Variants in SORCS3 observed in about 807,000 individuals in gnomAD.
The protein encoded by SORCS3 is VPS10 domain-containing receptor SorCS3.
Under a neutral mutation model 146.3 loss-of-function variants are expected in SORCS3, and 57 were observed. The observed-to-expected ratio is 0.39, with a 90% confidence interval of 0.31 to 0.49. The LOEUF is 0.49. Ranked by LOEUF, SORCS3 falls within the 20% of genes least tolerant of loss-of-function variation. SORCS3 has a pLI of 0.92. For synonymous variants in SORCS3, 653 were observed against 618.5 expected (o/e 1.06, Z -0.83); for missense variants, 1,341 against 1,575.5 (o/e 0.85, Z 2.52).
chr10:105,166,151 T>C (rs2056310843), intron 12 of SORCS3, among the ~76,000 whole-genome samples: 1 of 152,164 alleles, frequency 6.6e-6, no homozygotes, highest in Non-Finnish European at 1.5e-5. Context: ...AAGATAAATA[T>C]GTAAAAAAAG....
At chr10:104,893,722 C>G (rs1273436356) in intron 2 of SORCS3, among the ~76,000 whole-genome samples, 1 of 152,156 alleles carries the variant, frequency 6.6e-6, no homozygotes, top group Non-Finnish European at 1.5e-5. Context: ...CTCTGCATGT[C>G]GCAAAGAATC....
intron 1 of SORCS3, among the ~76,000 whole-genome samples, chr10:104,728,019 AGT>A (rs2016660554): frequency 7.5e-6 from 1 of 132,694 alleles, no homozygotes; most frequent in South Asian, 2.6e-4. Context: ...TATATATAAC[AGT>A]TCTATCTATC....
intron 1 of SORCS3, among the ~76,000 whole-genome samples, chr10:104,795,805 G>T (rs1212308853): frequency 6.6e-6 from 1 of 152,230 alleles, no homozygotes; most frequent in African/African-American, 2.4e-5. Flanking sequence ...CTATCAGGGA[G>T]CTATCCTGGT....
At chr10:105,191,726 C>A (rs986551947) in intron 14 of SORCS3, among the ~76,000 whole-genome samples, 9 of 152,064 alleles carry the variant, frequency 5.9e-5, no homozygotes, top group African/African-American at 1.9e-4. Flanking sequence ...TAGTTAGATT[C>A]TCATAAGGAA....
chr10:104,859,622 T>C (rs1394632181), intron 2 of SORCS3, among the ~76,000 whole-genome samples: 2 of 152,184 alleles, frequency 1.3e-5, no homozygotes, highest in South Asian at 2.1e-4. Flanking sequence ...ACCATCATAG[T>C]GAACAGGCAA....
intron 2 of SORCS3, among the ~76,000 whole-genome samples, chr10:104,873,776 G>T (rs116690378): frequency 6.6e-6 from 1 of 152,124 alleles, no homozygotes; most frequent in Admixed American, 6.6e-5. Context: ...ATTTAACTTT[G>T]TACAAGCTAA....
rs545496927 is a variant in SORCS3 at position 105,244,278 on chromosome 10, T to A, written c.2869-1264T>A. ...TTCTTCTTTCCAGGAAAAAAAAATA[T>A]ATATATATATATAATTAGAGCTGAC... On this transcript the variant is annotated intron_variant, in intron 20 of 26. Transcript: ENST00000369701. 4.4e-3 allele frequency among the ~76,000 whole-genome samples: 660 copies of A among 151,286 alleles called. 5 individuals are homozygous for A. Among genetic ancestry groups the A allele is most frequent in the Non-Finnish European group, 6.0e-3 (409 of 67,852 alleles).
At chr10:104,976,062 G>A (rs891618021) in intron 3 of SORCS3, among the ~76,000 whole-genome samples, 4 of 152,170 alleles carry the variant, frequency 2.6e-5, no homozygotes, top group Non-Finnish European at 5.9e-5. Context: ...TGACAAATGG[G>A]ATCTAATTAA....
chr10:104,984,812 AT>A (rs1218415097), intron 4 of SORCS3, among the ~76,000 whole-genome samples: 1 of 152,210 alleles, frequency 6.6e-6, no homozygotes, highest in Non-Finnish European at 1.5e-5. Flanking sequence ...TATAAAAGTT[AT>A]TTTTATGCTA....
intron 14 of SORCS3, among the ~76,000 whole-genome samples, chr10:105,191,524 C>G (rs1242428983): frequency 6.7e-6 from 1 of 149,840 alleles, no homozygotes; most frequent in Admixed American, 6.6e-5. Context: ...AACCAATAGA[C>G]CAAGTAGTCC....
intron 7 of SORCS3, among the ~76,000 whole-genome samples, chr10:105,107,413 C>T (rs1000860402): frequency 6.6e-6 from 1 of 151,004 alleles, no homozygotes; most frequent in Admixed American, 6.6e-5. Context: ...AATTGTTTCT[C>T]GGAAACATGA....
chr10:104,712,571 G>A (rs544845224), intron 1 of SORCS3, among the ~76,000 whole-genome samples: 176 of 152,290 alleles, frequency 1.2e-3, no homozygotes, highest in African/African-American at 3.1e-3. Flanking sequence ...TCTTGTCATA[G>A]GTGAGCTAGT....
intron 1 of SORCS3, among the ~76,000 whole-genome samples, chr10:104,775,684 G>T (rs1171667026): frequency 6.6e-6 from 1 of 152,178 alleles, no homozygotes; most frequent in African/African-American, 2.4e-5. Context: ...CATTTAGACA[G>T]TCCCTCTTGG....
At chr10:104,810,006 C>T (rs2017723362) in intron 1 of SORCS3, among the ~76,000 whole-genome samples, 1 of 152,200 alleles carries the variant, frequency 6.6e-6, no homozygotes, top group African/African-American at 2.4e-5. Flanking sequence ...AAATGTGTCA[C>T]CCACCAGTGG....
chr10:104,942,077 T>C (rs1467869817), intron 3 of SORCS3, among the ~76,000 whole-genome samples: 6 of 152,220 alleles, frequency 3.9e-5, no homozygotes, highest in Non-Finnish European at 8.8e-5. Flanking sequence ...AAAAATATCT[T>C]GTATTCACTG....
In SORCS3 at chr10:104,936,709, T is replaced by C. The variant is rs1157211044; in HGVS notation, c.795+20777T>C. On this transcript the variant is annotated intron_variant, in intron 3 of 26. Transcript: ENST00000369701. ...CAAAGACGAATTTAACAATAAAAGCTGTTTGGGATTCTTGTTGTTGAACAT... is the reference window on the plus strand; with the variant it reads ...CAAAGACGAATTTAACAATAAAAGCCGTTTGGGATTCTTGTTGTTGAACAT... Among the ~76,000 whole-genome samples the C allele has an allele frequency of 2.0e-5, 3 of 152,260 alleles. No individual in the cohort carries two copies. In the East Asian group the frequency reaches 5.8e-4, roughly 29 times the overall value.
At position 104,977,325 on chromosome 10, in the gene SORCS3, C is replaced by T; in HGVS notation, c.796-10C>T. 4 of 1,603,408 alleles carry T rather than the reference C, an allele frequency of 2.5e-6. No homozygotes were observed. Among genetic ancestry groups the T allele is most frequent in the East Asian group, 2.2e-5 (1 of 44,556 alleles). On this transcript the variant is annotated splice_polypyrimidine_tract_variant and intron_variant, in intron 3 of 26. Coordinates refer to ENST00000369701, the MANE Select transcript of SORCS3 (RefSeq NM_014978.3). ...CTCTGTCTGTATATGTCCCTCTATC[C>T]TTTCTTTAGATTATGCTTCTCAGTG...
intron 7 of SORCS3, among the ~76,000 whole-genome samples, chr10:105,115,150 G>A (rs114448710): frequency 6.6e-6 from 1 of 152,194 alleles, no homozygotes; most frequent in African/African-American, 2.4e-5. Flanking sequence ...AAAGACCTGG[G>A]TTGTAATCAG....
At chr10:105,177,702 A>T (rs956560106) in intron 13 of SORCS3, among the ~76,000 whole-genome samples, 6 of 151,948 alleles carry the variant, frequency 3.9e-5, no homozygotes, top group African/African-American at 1.5e-4. Context: ...CACCAGCCTT[A>T]CTCAGTTTGT....
Sources: gnomAD v4.1 joint callset for allele counts (sites outside exome capture counted in the v4.1 genomes callset) on GRCh38, gnomAD v4.1.1 for gene constraint, MANE v1.5 for transcripts, NCBI Gene and HGNC (gene_info 2026-07-23, HGNC 2026-07-21) for gene names.